The following FAM135B variants were observed in gnomAD, a reference collection of about 807,000 sequenced individuals.
FAM135B encodes family with sequence similarity 135 member B, also known as protein FAM135B.
Under a neutral mutation model 127.7 loss-of-function variants are expected in FAM135B, and 43 were observed. The observed-to-expected ratio is 0.34, with a 90% confidence interval of 0.26 to 0.43. The LOEUF (loss-of-function observed/expected upper bound fraction) is 0.43, where lower values mean the gene tolerates loss of function less well. Ranked by LOEUF, FAM135B falls within the 20% of genes least tolerant of loss-of-function variation. The pLI is 1.00. For synonymous variants in FAM135B, 670 were observed against 665.1 expected (o/e 1.01, Z -0.11); for missense variants, 1,558 against 1,725.6 (o/e 0.90, Z 1.72).
chr8:138,488,906 C>A (rs2131693698), intron 1 of FAM135B, among the ~76,000 whole-genome samples: 1 of 152,262 alleles, frequency 6.6e-6, no homozygotes, highest in Admixed American at 6.5e-5. Context: ...ACCTGGTGAT[C>A]CGCCCGCCTC....
chr8:138,402,046 GAGAC>G (rs1833182356), intron 1 of FAM135B, among the ~76,000 whole-genome samples: 1 of 152,110 alleles, frequency 6.6e-6, no homozygotes. Flanking sequence ...GTGGGAGGTG[GAGAC>G]AGACAGAGAC....
At chr8:138,183,855 A>G (rs1181691992) in intron 9 of FAM135B, among the ~76,000 whole-genome samples, 1 of 152,228 alleles carries the variant, frequency 6.6e-6, no homozygotes, top group Non-Finnish European at 1.5e-5. Flanking sequence ...ATTTGGAGAC[A>G]CGTTTTGCAG....
chr8:138,264,930 C>T (rs1822801674), intron 4 of FAM135B, among the ~76,000 whole-genome samples: 2 of 152,078 alleles, frequency 1.3e-5, no homozygotes, highest in South Asian at 4.1e-4. Flanking sequence ...TATATTCTAG[C>T]AGAAAAAAAT....
At chr8:138,197,716 C>T (rs1478640123) in intron 7 of FAM135B, 47 bp from the exon 8 acceptor site, 2 of 1,597,398 alleles carry the variant, frequency 1.3e-6, no homozygotes, top group Non-Finnish European at 1.7e-6. Flanking sequence ...TGCACCTGGC[C>T]CAGGCAGCAC....
At position 138,242,857 on chromosome 8, in the gene FAM135B, T is replaced by C; in HGVS notation, c.669+85A>G. 3 of 1,501,054 alleles carry C rather than the reference T, an allele frequency of 2.0e-6. No homozygotes were observed. Among genetic ancestry groups the C allele is most frequent in the Non-Finnish European group, 2.7e-6 (3 of 1,124,418 alleles). 93.0% of individuals were successfully genotyped at this position (1,501,054 alleles called of 1,614,324 possible). On this transcript the variant is annotated intron_variant, in intron 7 of 19. Transcript: ENST00000395297. This position sits in a 1 kb window ranked among gnomAD's most constrained non-coding sequence, Gnocchi z 9.6. ...AGCAAAAATCTCTGAAGGGGATGTT[T>C]CAAAGAAGCATGAATCTCATAGAAC...
intron 9 of FAM135B, among the ~76,000 whole-genome samples, chr8:138,191,163 G>A (rs77723862): frequency 9.8e-5 from 15 of 152,306 alleles, no homozygotes; most frequent in East Asian, 5.8e-4. Context: ...CACTGGTGGC[G>A]GCATTTTGCC....
At chr8:138,308,475 T>G (rs948260654) in intron 3 of FAM135B, among the ~76,000 whole-genome samples, 3 of 152,134 alleles carry the variant, frequency 2.0e-5, no homozygotes, top group Non-Finnish European at 4.4e-5. Flanking sequence ...AAATACAAAT[T>G]CTGCACATCC....
At chr8:138,234,081 G>A (rs1820096942) in intron 7 of FAM135B, among the ~76,000 whole-genome samples, 1 of 152,112 alleles carries the variant, frequency 6.6e-6, no homozygotes, top group Non-Finnish European at 1.5e-5. Flanking sequence ...CATGGAACAA[G>A]GCAATTTTCA....
intron 1 of FAM135B, among the ~76,000 whole-genome samples, chr8:138,421,646 C>T (rs1834517024): frequency 6.6e-6 from 1 of 151,998 alleles, no homozygotes; most frequent in African/African-American, 2.4e-5. Flanking sequence ...ATGACACAAA[C>T]AAATAGAAAA....
At chr8:138,377,848 G>C (rs780515560) in intron 1 of FAM135B, among the ~76,000 whole-genome samples, 1 of 152,156 alleles carries the variant, frequency 6.6e-6, no homozygotes, top group Non-Finnish European at 1.5e-5. Flanking sequence ...CTCCCCAGGG[G>C]ATTTACTGCA....
intron 1 of FAM135B, among the ~76,000 whole-genome samples, chr8:138,492,834 G>A (rs1815255450): frequency 6.6e-6 from 1 of 152,134 alleles, no homozygotes; most frequent in Non-Finnish European, 1.5e-5. Flanking sequence ...GCTCCTCTTT[G>A]TTCCCGCAGA....
chr8:138,171,852 C>T (rs560927665), intron 11 of FAM135B, among the ~76,000 whole-genome samples: 15 of 152,190 alleles, frequency 9.9e-5, no homozygotes, highest in East Asian at 1.9e-4. Flanking sequence ...CATGTGGTTA[C>T]GGGTGTGGCA....
chr8:138,326,045 T>G (rs1407775297), intron 2 of FAM135B, among the ~76,000 whole-genome samples: 1 of 152,132 alleles, frequency 6.6e-6, no homozygotes, highest in African/African-American at 2.4e-5. Context: ...AGTAGCTTAG[T>G]TGGAGTGACT....
chr8:138,293,422 G>A (rs1239065938), intron 3 of FAM135B, among the ~76,000 whole-genome samples: 2 of 152,096 alleles, frequency 1.3e-5, no homozygotes. Flanking sequence ...AAGCTAAAAA[G>A]CTTCTGTACA....
intron 2 of FAM135B, among the ~76,000 whole-genome samples, chr8:138,325,571 T>C (rs897594652): frequency 6.6e-6 from 1 of 152,124 alleles, no homozygotes; most frequent in African/African-American, 2.4e-5. Context: ...GAAATATATA[T>C]ATATTGCTCA....
chr8:138,166,547 A>G (rs558603469), intron 12 of FAM135B, among the ~76,000 whole-genome samples: 5 of 152,342 alleles, frequency 3.3e-5, no homozygotes, highest in African/African-American at 1.2e-4. Flanking sequence ...GACCTATAAC[A>G]CAATTAAAAG....
intron 1 of FAM135B, among the ~76,000 whole-genome samples, chr8:138,484,188 G>A (rs556811617): frequency 2.3e-4 from 35 of 152,118 alleles, no homozygotes; most frequent in South Asian, 2.3e-3. Flanking sequence ...AACCCTTCAC[G>A]CAGACCTGAT....
chr8:138,345,933 G>C (rs901209045), intron 2 of FAM135B, among the ~76,000 whole-genome samples: 3 of 152,060 alleles, frequency 2.0e-5, no homozygotes, highest in African/African-American at 7.2e-5. Flanking sequence ...AATATCCAGA[G>C]TCTACAAGGA....
chr8:138,177,406 A>G lies in FAM135B; in HGVS notation c.1044T>C (p.Ser348=), dbSNP rs760700823. Residue 348 remains serine (S), a synonymous_variant, in exon 11 of 20, where the codon TCT becomes TCC. Coordinates refer to ENST00000395297, the MANE Select transcript of FAM135B (RefSeq NM_015912.4). The stretch of plus-strand genomic sequence containing the variant: ...GGTGCTCCATGTAAAAGAAGGCCTC[A>G]GAAAACCTTCGGACCTGCAGAATAA... ...EHHTLRVRRF[S]EAFFYMEHQK... 6.2e-7 allele frequency: 1 copy of G among 1,613,614 alleles called. No individual in the cohort carries two copies. The highest frequency in any genetic ancestry group is 1.7e-5 in the Admixed American group (1 of 59,996).
Sources: gnomAD v4.1 joint callset for allele counts (sites outside exome capture counted in the v4.1 genomes callset) on GRCh38, gnomAD v4.1.1 for gene constraint, Gnocchi (gnomAD v3.1) non-coding constraint, MANE v1.5 for transcripts, NCBI Gene and HGNC (gene_info 2026-07-23, HGNC 2026-07-21) for gene names.